CAPN5: variants seen among roughly 807,000 people sequenced by gnomAD.
The protein encoded by CAPN5 is calpain 5.
Under a neutral mutation model 73.0 loss-of-function variants are expected in CAPN5, and 54 were observed. The ratio of observed to expected loss-of-function variants is 0.74; its 90% CI spans 0.59 to 0.93. CAPN5 has a LOEUF of 0.93. CAPN5 is among the 40% of genes least tolerant of loss of function. The pLI is 0.00. For synonymous variants in CAPN5, 335 were observed against 356.9 expected (o/e 0.94, Z 0.69); for missense variants, 785 against 882.9 (o/e 0.89, Z 1.41).
In CAPN5 at chr11:77,085,887, G is replaced by A. The variant is rs143988838; in HGVS notation, c.165+836G>A. Among the ~76,000 whole-genome samples, 43 of 152,288 alleles carry A rather than the reference G, an allele frequency of 2.8e-4. No individual in the cohort carries two copies. In the East Asian group the frequency reaches 2.9e-3, roughly 10 times the overall value. ...GGCTGTGCTAGTGACACTGAGGGTCGTCCCCTCACAATGCGGGAGACCATG... is the reference window on the plus strand; with the variant it reads ...GGCTGTGCTAGTGACACTGAGGGTCATCCCCTCACAATGCGGGAGACCATG... On this transcript the variant is annotated intron_variant, in intron 2 of 12. Transcript: ENST00000648180.
intron 1 of CAPN5, among the ~76,000 whole-genome samples, chr11:77,071,156 G>T (rs1555033001): frequency 6.6e-6 from 1 of 152,196 alleles, no homozygotes. Flanking sequence ...GCCCACCGAG[G>T]CTGGCTTCCC....
At chr11:77,102,905 C>G (rs1323300943) in intron 3 of CAPN5, 8 of 1,612,564 alleles carry the variant, frequency 5.0e-6, no homozygotes, top group Non-Finnish European at 6.8e-6. Flanking sequence ...AGGGCCTGAC[C>G]AGGCAGATGC....
rs199542451 is a variant in CAPN5 at position 77,115,457 on chromosome 11, C to A, written c.762C>A (p.Tyr254Ter). The change falls in exon 6 of 13, where the codon TAC becomes TAA. Residue 254 changes from tyrosine to a stop codon, truncating the protein, a stop_gained. Coordinates refer to ENST00000648180, the MANE Select transcript of CAPN5 (RefSeq NM_004055.5). LOFTEE classifies it high-confidence loss of function. ...LACGLVKGHA[Y>*]AVTDVRKVRL... ...GCGGCCTGGTAAAGGGCCACGCATACGCCGTCACTGATGTGCGCAAGGTGC... is the reference window on the plus strand; with the variant it reads ...GCGGCCTGGTAAAGGGCCACGCATAAGCCGTCACTGATGTGCGCAAGGTGC... 313 of 1,612,890 alleles carry A rather than the reference C, an allele frequency of 1.9e-4. No homozygotes were observed. The highest frequency in any genetic ancestry group is 2.5e-4 in the Non-Finnish European group (297 of 1,179,822).
intron 2 of CAPN5, chr11:77,087,872 GC>G (rs1396218983): frequency 9.3e-5 from 143 of 1,533,538 alleles, no homozygotes; most frequent in Non-Finnish European, 1.1e-4. Flanking sequence ...CCTCTTGGGT[GC>G]CGACCTGGGC....
intron 4 of CAPN5, among the ~76,000 whole-genome samples, chr11:77,113,398 C>T (rs577921914): frequency 6.8e-4 from 103 of 152,266 alleles, no homozygotes; most frequent in African/African-American, 2.4e-3. Context: ...AAGAGTGACT[C>T]GCGCAGGCCG....
In CAPN5 at chr11:77,123,776, T is replaced by A; in HGVS notation, c.1829T>A (p.Leu610His). 1 of 1,613,390 alleles carries A rather than the reference T, an allele frequency of 6.2e-7. No individual in the cohort carries two copies. The highest frequency in any genetic ancestry group is 8.5e-7 in the Non-Finnish European group (1 of 1,179,868). Residue 610 changes from leucine (L) to histidine (H), a missense_variant, in exon 13 of 13, where the codon CTC becomes CAC. Leu to His is a moderately conservative substitution (Grantham distance 99). Transcript: ENST00000648180. Reference protein sequence around the residue: ...DPDNLQALHTLHLRDRNSRQP... With the variant: ...DPDNLQALHTHHLRDRNSRQP... Reference sequence around the variant, plus strand: ...GACAACCTCCAGGCCCTGCATACCCTCCACCTCCGGGACCGAAATAGCCGG... The same window carrying A: ...GACAACCTCCAGGCCCTGCATACCCACCACCTCCGGGACCGAAATAGCCGG...
At chr11:77,084,744 C>A in intron 1 of CAPN5, 108 bp from the exon 2 acceptor site, 1 of 977,170 alleles carries the variant, frequency 1.0e-6, no homozygotes, top group Non-Finnish European at 1.6e-6. Flanking sequence ...CTCCACGCCT[C>A]GCTGAGCCTT....
chr11:77,090,219 C>A (rs1555036256), intron 2 of CAPN5, among the ~76,000 whole-genome samples: 1 of 151,914 alleles, frequency 6.6e-6, no homozygotes, highest in African/African-American at 2.4e-5. Flanking sequence ...GAGCTGGTGA[C>A]CCTGAGCCTC....
At chr11:77,068,436 A>G (rs542982664) in intron 1 of CAPN5, among the ~76,000 whole-genome samples, 1 of 152,030 alleles carries the variant, frequency 6.6e-6, no homozygotes, top group East Asian at 2.0e-4. Context: ...GGAGCTGGGG[A>G]TGAGTTCACT....
intron 1 of CAPN5, among the ~76,000 whole-genome samples, chr11:77,084,223 C>T (rs1056576859): frequency 2.0e-5 from 3 of 147,282 alleles, no homozygotes; most frequent in African/African-American, 4.9e-5. Flanking sequence ...GTGCAAAGTT[C>T]AGGGTGCTTG....
chr11:77,118,950 T>G, intron 8 of CAPN5, 80 bp from the exon 9 acceptor site: 10 of 1,509,338 alleles, frequency 6.6e-6, no homozygotes, highest in Non-Finnish European at 9.0e-6. Flanking sequence ...CTCTGGAGTC[T>G]GAGCTTCCGG....
intron 9 of CAPN5, 41 bp downstream of exon 9, chr11:77,119,193 A>G: frequency 6.3e-7 from 1 of 1,575,634 alleles, no homozygotes. Flanking sequence ...GGGGAGAGGG[A>G]GGGAGCTGGA....
intron 7 of CAPN5, among the ~76,000 whole-genome samples, chr11:77,116,892 G>A (rs1555041861): frequency 1.3e-5 from 2 of 152,232 alleles, no homozygotes; most frequent in African/African-American, 2.4e-5. Flanking sequence ...TGAGAAGGGA[G>A]CTAAGCAGGT....
chr11:77,077,356 CA>C (rs1284144716), intron 1 of CAPN5, among the ~76,000 whole-genome samples: 60 of 149,200 alleles, frequency 4.0e-4, no homozygotes, highest in African/African-American at 1.4e-3. Context: ...GACTCTGTAT[CA>C]AAAAAAAAGA....
Position 77,123,758 on chromosome 11 carries a change from T to C in CAPN5, c.1811T>C (p.Leu604Pro), listed in dbSNP as rs782234146. 3 of 1,613,206 alleles carry C rather than the reference T, an allele frequency of 1.9e-6. No individual in the cohort carries two copies. The East Asian group carries it at 6.7e-5, about 36-fold the overall frequency. The change falls in exon 13 of 13, where the codon CTC becomes CCC. Residue 604 changes from leucine (L) to proline (P), a missense_variant. Physicochemically the swap from Leu to Pro is moderately conservative, Grantham distance 98. Coordinates refer to ENST00000648180, the MANE Select transcript of CAPN5 (RefSeq NM_004055.5). Reference protein sequence around the residue: ...QVHLKADPDNLQALHTLHLRD... With the variant: ...QVHLKADPDNPQALHTLHLRD... ...CACCTAAAGGCTGACCCGGACAACCTCCAGGCCCTGCATACCCTCCACCTC... is the reference window on the plus strand; with the variant it reads ...CACCTAAAGGCTGACCCGGACAACCCCCAGGCCCTGCATACCCTCCACCTC...
chr11:77,114,519 C>A, intron 5 of CAPN5, 85 bp downstream of exon 5: 2 of 1,251,642 alleles, frequency 1.6e-6, no homozygotes, highest in South Asian at 1.3e-5. Context: ...ATCCCACGCT[C>A]AGGTCAGCTC....
At chr11:77,078,233 T>C (rs34306782) in intron 1 of CAPN5, among the ~76,000 whole-genome samples, 77,966 of 152,170 alleles carry the variant, frequency 0.51, 21,498 homozygotes, top group Middle Eastern at 0.64. Context: ...TTTGAGTCAA[T>C]GTTTGCATAC....
chr11:77,111,273 G>A (rs1950407669), intron 3 of CAPN5, among the ~76,000 whole-genome samples: 1 of 152,134 alleles, frequency 6.6e-6, no homozygotes, highest in African/African-American at 2.4e-5. Context: ...CCAGCTTGGG[G>A]CTGGTTGCAG....
chr11:77,089,150 TA>T (rs1950122854), intron 2 of CAPN5, among the ~76,000 whole-genome samples: 1 of 152,104 alleles, frequency 6.6e-6, no homozygotes, highest in African/African-American at 2.4e-5. Context: ...TAAGGAAACC[TA>T]GAGAGTGTGG....
Sources: allele counts gnomAD v4.1 joint callset (sites outside exome capture counted in the v4.1 genomes callset), GRCh38; gene constraint gnomAD v4.1.1; transcripts MANE v1.5; gene names NCBI Gene and HGNC (gene_info 2026-07-23, HGNC 2026-07-21).